Variants in ENTREP2 observed in about 807,000 individuals in gnomAD.
The protein encoded by ENTREP2 is protein ENTREP2.
the ENTREP2 span, among the ~76,000 whole-genome samples, chr15:29,277,025 T>C: frequency 6.6e-6 from 1 of 152,164 alleles, no homozygotes; most frequent in African/African-American, 2.4e-5. Context: ...AGACAAATTA[T>C]GAAGAACTGT....
the ENTREP2 span, among the ~76,000 whole-genome samples, chr15:29,544,067 A>T: frequency 6.6e-6 from 1 of 152,078 alleles, no homozygotes; most frequent in Non-Finnish European, 1.5e-5. Context: ...TATTAAAAGT[A>T]TTTTTGCTCT....
chr15:29,356,739 AAC>A, the ENTREP2 span, among the ~76,000 whole-genome samples: 5 of 152,276 alleles, frequency 3.3e-5, no homozygotes, highest in Non-Finnish European at 7.4e-5. Context: ...AAAAGACCAA[AAC>A]AAATGGAGGG....
the ENTREP2 span, among the ~76,000 whole-genome samples, chr15:29,305,473 G>A: frequency 6.6e-6 from 1 of 152,326 alleles, no homozygotes; most frequent in East Asian, 1.9e-4. Context: ...GATTAAAGTG[G>A]TTCAGACCAG....
At chr15:29,203,263 G>A in the ENTREP2 span, among the ~76,000 whole-genome samples, 18 of 152,296 alleles carry the variant, frequency 1.2e-4, no homozygotes, top group South Asian at 4.1e-4. Context: ...TTAGCCAGGC[G>A]TTTTGGCAGG....
chr15:29,126,582 A>G, the ENTREP2 span: 1 of 1,085,630 alleles, frequency 9.2e-7, no homozygotes, highest in Non-Finnish European at 1.3e-6. Flanking sequence ...GACCTAGATG[A>G]ACTCTGAAAC....
At chr15:29,475,246 TGA>T in the ENTREP2 span, among the ~76,000 whole-genome samples, 9 of 152,168 alleles carry the variant, frequency 5.9e-5, no homozygotes, top group Non-Finnish European at 1.0e-4. Flanking sequence ...GACAGAACGC[TGA>T]GAGAGTACAG....
chr15:29,469,858 G>T, the ENTREP2 span, among the ~76,000 whole-genome samples: 1 of 152,054 alleles, frequency 6.6e-6, no homozygotes, highest in Non-Finnish European at 1.5e-5. Context: ...CAGGTCCCCC[G>T]TAAGACTCTG....
At chr15:29,598,748 G>A in the ENTREP2 span, among the ~76,000 whole-genome samples, 1 of 152,006 alleles carries the variant, frequency 6.6e-6, no homozygotes, top group East Asian at 1.9e-4. Context: ...CCAGGCTGGA[G>A]TGCAGTGGCG....
the ENTREP2 span, among the ~76,000 whole-genome samples, chr15:29,220,599 A>G: frequency 1.3e-5 from 2 of 152,170 alleles, no homozygotes; most frequent in Non-Finnish European, 2.9e-5. Context: ...TACCTGCTCC[A>G]CAGGAACGGT....
chr15:29,441,510 C>T, the ENTREP2 span, among the ~76,000 whole-genome samples: 1 of 152,192 alleles, frequency 6.6e-6, no homozygotes, highest in Non-Finnish European at 1.5e-5. Flanking sequence ...AAGCCCGCTG[C>T]TCCCCAGCTC....
At chr15:29,538,612 G>C in the ENTREP2 span, among the ~76,000 whole-genome samples, 1 of 144,824 alleles carries the variant, frequency 6.9e-6, no homozygotes, top group Non-Finnish European at 1.5e-5. Context: ...GGCTAACACG[G>C]TGAAACCCCG....
chr15:29,202,573 C>A, the ENTREP2 span, among the ~76,000 whole-genome samples: 1 of 152,084 alleles, frequency 6.6e-6, no homozygotes, highest in South Asian at 2.1e-4. Flanking sequence ...CACCCGTCAA[C>A]CCATCATCTA....
the ENTREP2 span, among the ~76,000 whole-genome samples, chr15:29,512,837 T>C: frequency 6.6e-6 from 1 of 152,152 alleles, no homozygotes; most frequent in Non-Finnish European, 1.5e-5. Context: ...CCATCTCTAG[T>C]GATTATAACT....
At chr15:29,653,244 G>A in the ENTREP2 span, among the ~76,000 whole-genome samples, 1 of 152,190 alleles carries the variant, frequency 6.6e-6, no homozygotes. Flanking sequence ...AATACTTGAA[G>A]CAGCTTCCAC....
At chr15:29,400,236 T>G in the ENTREP2 span, among the ~76,000 whole-genome samples, 1 of 152,114 alleles carries the variant, frequency 6.6e-6, no homozygotes, top group Non-Finnish European at 1.5e-5. Flanking sequence ...ACAAACAGCT[T>G]TCCTACATAT....
the ENTREP2 span, among the ~76,000 whole-genome samples, chr15:29,305,553 C>G: frequency 6.6e-6 from 1 of 152,104 alleles, no homozygotes; most frequent in African/African-American, 2.4e-5. Context: ...GCTAACAGGT[C>G]TTGTTGATGC....
chr15:29,510,073 C>G, the ENTREP2 span, among the ~76,000 whole-genome samples: 2 of 152,144 alleles, frequency 1.3e-5, no homozygotes, highest in African/African-American at 4.8e-5. Flanking sequence ...ACAACTCCAT[C>G]AAAAAGTGGG....
At chr15:29,285,882 G>T in the ENTREP2 span, among the ~76,000 whole-genome samples, 1 of 152,066 alleles carries the variant, frequency 6.6e-6, no homozygotes, top group African/African-American at 2.4e-5. Flanking sequence ...AAATAAGGTT[G>T]GTTCAACATT....
the ENTREP2 span, among the ~76,000 whole-genome samples, chr15:29,628,683 T>G: frequency 6.6e-6 from 1 of 152,200 alleles, no homozygotes; most frequent in African/African-American, 2.4e-5. Flanking sequence ...TCATGCATTT[T>G]GATGTTCTGT....
Sources: gnomAD v4.1 joint callset for allele counts (sites outside exome capture counted in the v4.1 genomes callset) on GRCh38, gnomAD v4.1.1 for gene constraint, MANE v1.5 for transcripts, NCBI Gene and HGNC (gene_info 2026-07-23, HGNC 2026-07-21) for gene names.